The following GLIS3 variants were observed in gnomAD, a reference collection of about 807,000 sequenced individuals.
GLIS3 encodes GLIS family zinc finger 3.
GLIS3 carries 53 observed loss-of-function variants against 78.6 expected under a neutral mutation model. The observed-to-expected ratio is 0.67, with a 90% CI of 0.54 to 0.85. The LOEUF (loss-of-function observed/expected upper bound fraction) is 0.85. Among genes scored for constraint, GLIS3 ranks in the 40% least tolerant of loss-of-function variants. GLIS3 has a pLI of 0.00. For synonymous variants in GLIS3, 684 were observed against 509.9 expected (o/e 1.34, Z -4.60); for missense variants, 1,703 against 1,231.1 (o/e 1.38, Z -5.74).
intron 2 of GLIS3, among the ~76,000 whole-genome samples, chr9:4,243,904 T>C (rs1462977610): frequency 1.3e-5 from 2 of 152,258 alleles, no homozygotes; most frequent in Non-Finnish European, 2.9e-5. Flanking sequence ...TAGAAGAGGA[T>C]GTGGAATAGA....
intron 8 of GLIS3, among the ~76,000 whole-genome samples, chr9:3,857,705 C>A (rs185910973): frequency 6.6e-6 from 1 of 152,130 alleles, no homozygotes; most frequent in African/African-American, 2.4e-5. Context: ...GTGACTGCAC[C>A]GTGCTGAGTA....
the GLIS3 span, among the ~76,000 whole-genome samples, chr9:4,415,710 G>A: frequency 6.6e-6 from 1 of 151,980 alleles, no homozygotes; most frequent in Non-Finnish European, 1.5e-5. Context: ...TGAAATTCTT[G>A]ATCAAAGCTT....
intron 3 of GLIS3, among the ~76,000 whole-genome samples, chr9:4,122,606 T>C (rs1832273820): frequency 6.6e-6 from 1 of 152,204 alleles, no homozygotes; most frequent in Non-Finnish European, 1.5e-5. Flanking sequence ...GGACTTTCTG[T>C]GTCCTGGTTC....
intron 6 of GLIS3, among the ~76,000 whole-genome samples, chr9:3,925,744 A>C (rs189414771): frequency 2.6e-5 from 4 of 152,340 alleles, no homozygotes; most frequent in African/African-American, 9.6e-5. Flanking sequence ...GCTTTTAATT[A>C]TCTTTCTTAA....
intron 2 of GLIS3, among the ~76,000 whole-genome samples, chr9:4,322,763 A>T (rs926833044): frequency 9.2e-5 from 14 of 151,822 alleles, no homozygotes; most frequent in African/African-American, 1.5e-4. Flanking sequence ...GGGTTGTTTG[A>T]TTTTTTCTTG....
chr9:4,248,247 T>G (rs886248243), intron 2 of GLIS3, among the ~76,000 whole-genome samples: 3 of 150,328 alleles, frequency 2.0e-5, no homozygotes, highest in East Asian at 2.0e-4. Flanking sequence ...CAGCCCCCCA[T>G]CCCCCAACAG....
intron 4 of GLIS3, among the ~76,000 whole-genome samples, chr9:4,059,956 G>A (rs975820977): frequency 1.3e-5 from 2 of 151,884 alleles, no homozygotes; most frequent in Non-Finnish European, 2.9e-5. Context: ...AGGTGTGAAG[G>A]TTCCTTGCAA....
At chr9:4,483,133 A>G in the GLIS3 span, among the ~76,000 whole-genome samples, 672 of 152,336 alleles carry the variant, frequency 4.4e-3, 7 homozygotes, top group South Asian at 0.045. Flanking sequence ...GTAAAAAAGA[A>G]TCGAAGTTAA....
chr9:3,885,470 C>T (rs1196575601), intron 7 of GLIS3, among the ~76,000 whole-genome samples: 1 of 152,190 alleles, frequency 6.6e-6, no homozygotes, highest in African/African-American at 2.4e-5. Context: ...ATTACCCACA[C>T]ACTGTGAATT....
intron 4 of GLIS3, among the ~76,000 whole-genome samples, chr9:4,091,761 C>T (rs949411174): frequency 2.0e-5 from 3 of 152,160 alleles, no homozygotes; most frequent in African/African-American, 7.2e-5. Context: ...GAGGCTTCCC[C>T]AGCCCTGCGG....
Position 3,879,560 on chromosome 9 carries a change from C to G in GLIS3, c.2164G>C (p.Gly722Arg). ...GGTGGTACGGCCCCAGCAGCTGTTC[C>G]ACTTCGGCTTGAATAATTGCTGGAG... ...IFSSNYSSRS[G>R]TAAGAVPPPH... The change falls in exon 8 of 11, where the codon GGA becomes CGA. Residue 722 changes from glycine (G) to arginine (R), a missense_variant. Transcript: ENST00000381971. 1 of 1,614,074 alleles carries G rather than the reference C, an allele frequency of 6.2e-7. No individual in the cohort carries two copies. Among genetic ancestry groups the G allele is most frequent in the South Asian group, 1.1e-5 (1 of 91,072 alleles).
At chr9:4,312,722 G>A (rs1817384134) in intron 2 of GLIS3, among the ~76,000 whole-genome samples, 1 of 152,178 alleles carries the variant, frequency 6.6e-6, no homozygotes, top group South Asian at 2.1e-4. Flanking sequence ...CTTCGTTGTG[G>A]CTTAGTGGAA....
At chr9:4,486,942 T>A in the GLIS3 span, among the ~76,000 whole-genome samples, 2 of 152,118 alleles carry the variant, frequency 1.3e-5, no homozygotes, top group Admixed American at 6.6e-5. Flanking sequence ...AAGTGATACT[T>A]CTGCCTCAGC....
chr9:3,869,769 G>A (rs1423654043), intron 8 of GLIS3, among the ~76,000 whole-genome samples: 6 of 152,138 alleles, frequency 3.9e-5, no homozygotes, highest in Non-Finnish European at 7.4e-5. Flanking sequence ...GCAGTATGGA[G>A]GTCACCAGGA....
At chr9:4,353,993 A>ATTTTTTCTTTT in the GLIS3 span, among the ~76,000 whole-genome samples, 1 of 135,756 alleles carries the variant, frequency 7.4e-6, no homozygotes, top group African/African-American at 2.7e-5. Flanking sequence ...ACACCCGGCT[A>ATTTTTTCTTTT]TTTTTTTTTT....
At position 4,261,513 on chromosome 9, in the gene GLIS3, T is replaced by A. The variant is rs1368373959; in HGVS notation, c.388+24525A>T. Among the ~76,000 whole-genome samples, 6 of 152,280 alleles carry A rather than the reference T, an allele frequency of 3.9e-5. No homozygotes were observed. The East Asian group carries it at 1.2e-3, about 29-fold the overall frequency. Reference sequence around the variant, plus strand: ...ATGGTAGAATAAAACCAGGCCTTTTTCTTACTGCTCAGAGTAATTCTGAAG... The same window carrying A: ...ATGGTAGAATAAAACCAGGCCTTTTACTTACTGCTCAGAGTAATTCTGAAG... On this transcript the variant is annotated intron_variant, in intron 2 of 10. Coordinates refer to ENST00000381971, the MANE Select transcript of GLIS3 (RefSeq NM_001042413.2).
chr9:4,237,041 T>A (rs10974406), intron 2 of GLIS3, among the ~76,000 whole-genome samples: 1 of 151,704 alleles, frequency 6.6e-6, no homozygotes, highest in South Asian at 2.1e-4. Flanking sequence ...TACTCTGCCA[T>A]GTGGAAATCA....
At chr9:4,173,938 G>GCACA (rs1564150427) in intron 2 of GLIS3, among the ~76,000 whole-genome samples, 98 of 148,750 alleles carry the variant, frequency 6.6e-4, no homozygotes, top group African/African-American at 2.5e-3. Context: ...ACACACGCAC[G>GCACA]CACGCACACA....
chr9:4,339,419 T>C (rs144988631), intron 2 of GLIS3, among the ~76,000 whole-genome samples: 2,485 of 152,270 alleles, frequency 0.016, 30 homozygotes, highest in Non-Finnish European at 0.029. Context: ...ACTGAGAGTT[T>C]CGTCTTTATT....
Sources: gnomAD v4.1 joint callset for allele counts (sites outside exome capture counted in the v4.1 genomes callset) on GRCh38, gnomAD v4.1.1 for gene constraint, MANE v1.5 for transcripts, NCBI Gene and HGNC (gene_info 2026-07-23, HGNC 2026-07-21) for gene names.